Variants in PDLIM5 observed in about 807,000 individuals in gnomAD.
The protein encoded by PDLIM5 is PDZ and LIM domain 5, also known as PDZ and LIM domain protein 5.
PDLIM5 carries 34 observed loss-of-function variants against 64.2 expected under a neutral mutation model. The observed-to-expected ratio is 0.53, with a 90% CI of 0.40 to 0.71. The LOEUF (loss-of-function observed/expected upper bound fraction) is 0.71, where lower values mean the gene tolerates loss of function less well. Ranked by LOEUF, PDLIM5 falls within the 30% of genes least tolerant of loss-of-function variation. The probability of loss-of-function intolerance (pLI) is 0.00; values close to 1 mark genes in which losing one functional copy is unlikely to be tolerated. For missense variants in PDLIM5, 683 were observed against 733.6 expected (o/e 0.93, Z 0.80); for synonymous variants, 253 against 269.1 (o/e 0.94, Z 0.59).
Position 94,583,188 on chromosome 4 carries a change from C to T in PDLIM5, c.711-2377C>T, listed in dbSNP as rs75458617. Among the ~76,000 whole-genome samples, 1,818 of 152,010 alleles carry T rather than the reference C, an allele frequency of 0.012. 90 individuals are homozygous for T. The East Asian group carries it at 0.15, about 12-fold the overall frequency. On this transcript the variant is annotated intron_variant, in intron 5 of 12. Transcript: ENST00000317968. The stretch of plus-strand genomic sequence containing the variant: ...GTCATCACACTCTGGAGTTTCAGAA[C>T]CAGAAAACACTAAATGTTTAGAAAC...
intron 5 of PDLIM5, among the ~76,000 whole-genome samples, chr4:94,580,038 A>G (rs1305386827): frequency 4.6e-5 from 7 of 152,138 alleles, no homozygotes; most frequent in African/African-American, 1.7e-4. Flanking sequence ...TAGAAAGTCC[A>G]CACATCTTTG....
chr4:94,542,138 T>G lies in PDLIM5; in HGVS notation c.248+18263T>G, dbSNP rs190612603. Among the ~76,000 whole-genome samples, 677 of 151,916 alleles carry G rather than the reference T, an allele frequency of 4.5e-3. 2 individuals carry two copies. Among genetic ancestry groups the G allele is most frequent in the Non-Finnish European group, 7.2e-3 (488 of 67,914 alleles). On this transcript the variant is annotated intron_variant, in intron 3 of 12. Coordinates refer to ENST00000317968, the MANE Select transcript of PDLIM5 (RefSeq NM_006457.5). Reference sequence around the variant, plus strand: ...ACCAGCTTGGCCAACATGGTGAAACTCCGTCTCTACTAAAAATACAAAAAT... The same window carrying G: ...ACCAGCTTGGCCAACATGGTGAAACGCCGTCTCTACTAAAAATACAAAAAT...
intron 2 of PDLIM5, chr4:94,456,476 G>A (rs999660331): frequency 5.7e-6 from 4 of 701,738 alleles, no homozygotes; most frequent in Admixed American, 2.0e-5. Context: ...AAGATTACAG[G>A]CGTGAGCCAC....
intron 3 of PDLIM5, among the ~76,000 whole-genome samples, chr4:94,541,936 A>G (rs531990317): frequency 2.0e-5 from 3 of 152,324 alleles, no homozygotes; most frequent in East Asian, 1.9e-4. Flanking sequence ...AGAGCCTGCT[A>G]TTCTCTCCGG....
In PDLIM5 at chr4:94,476,783, G is replaced by A. The variant is rs570674025; in HGVS notation, c.96+21399G>A. Among the ~76,000 whole-genome samples the A allele has an allele frequency of 8.5e-5, 13 of 152,276 alleles. No homozygotes were observed. In the East Asian group the frequency reaches 2.5e-3, roughly 29 times the overall value. On this transcript the variant is annotated intron_variant, in intron 2 of 12. Transcript: ENST00000317968. ...TGGACTCTGGAGCCAGCCATCGTGG[G>A]TTCAAATCGCAGTAGGGACACTTTC...
At chr4:94,588,252 G>A in intron 7 of PDLIM5, 2 of 881,842 alleles carry the variant, frequency 2.3e-6, no homozygotes, top group Non-Finnish European at 2.7e-6. Flanking sequence ...ACTTTGTGAG[G>A]TTACTAAAAT....
intron 8 of PDLIM5, among the ~76,000 whole-genome samples, chr4:94,638,014 C>T (rs190734435): frequency 6.5e-4 from 99 of 152,240 alleles, no homozygotes; most frequent in African/African-American, 2.0e-3. Flanking sequence ...CACAGGAGGC[C>T]GAGTTCTGTG....
chr4:94,560,616 A>G (rs1733751618), intron 3 of PDLIM5, among the ~76,000 whole-genome samples: 1 of 152,218 alleles, frequency 6.6e-6, no homozygotes, highest in African/African-American at 2.4e-5. Flanking sequence ...CAACTAGTAA[A>G]TGGAGGTGCT....
rs1337326356 is a variant in PDLIM5, at chr4:94,665,858, A to G, written c.*1791A>G. 2.9e-6 allele frequency: 4 copies of G among 1,391,368 alleles called. No homozygotes were observed. The highest frequency in any genetic ancestry group is 2.7e-5 in the East Asian group (1 of 37,460). 86.2% of individuals were successfully genotyped at this position (1,391,368 alleles called of 1,614,324 possible). ...TGGGTAGTGTTGGGAGGGGAGTTTA[A>G]TTACTCAGATTGGCCTGTTATTTGA... On this transcript the variant is annotated 3_prime_UTR_variant, in exon 13 of 13. Transcript: ENST00000317968.
chr4:94,531,984 G>A (rs1730915806), intron 3 of PDLIM5, among the ~76,000 whole-genome samples: 1 of 151,842 alleles, frequency 6.6e-6, no homozygotes, highest in Non-Finnish European at 1.5e-5. Context: ...AGAAACATTC[G>A]TTTGGATACT....
chr4:94,564,171 C>T (rs1358406581), intron 3 of PDLIM5, among the ~76,000 whole-genome samples: 3 of 152,050 alleles, frequency 2.0e-5, no homozygotes, highest in Non-Finnish European at 4.4e-5. Flanking sequence ...ACCATGTTGG[C>T]CAGGGTGGTC....
intron 12 of PDLIM5, 43 bp downstream of exon 12, chr4:94,662,580 C>G (rs1032671448): frequency 1.2e-6 from 1 of 812,472 alleles, no homozygotes; most frequent in Non-Finnish European, 2.1e-6. Flanking sequence ...TATAGTATGG[C>G]CAATTCTAGC....
At chr4:94,596,922 A>G (rs1399763801) in intron 7 of PDLIM5, among the ~76,000 whole-genome samples, 25 of 151,964 alleles carry the variant, frequency 1.6e-4, no homozygotes, top group African/African-American at 4.8e-5. Flanking sequence ...CTATTTTTGT[A>G]TCTATTAAAG....
At chr4:94,471,547 T>G (rs978092051) in intron 2 of PDLIM5, among the ~76,000 whole-genome samples, 7 of 152,312 alleles carry the variant, frequency 4.6e-5, no homozygotes, top group Admixed American at 3.9e-4. Context: ...ACATAATACT[T>G]TAGAATTACA....
At chr4:94,480,230 G>A (rs1165805230) in intron 2 of PDLIM5, among the ~76,000 whole-genome samples, 2 of 152,158 alleles carry the variant, frequency 1.3e-5, no homozygotes, top group Admixed American at 1.3e-4. Flanking sequence ...TTTCTAAAAA[G>A]TAAGATATGG....
At chr4:94,603,887 A>G (rs923352771) in intron 7 of PDLIM5, among the ~76,000 whole-genome samples, 5 of 152,174 alleles carry the variant, frequency 3.3e-5, no homozygotes, top group African/African-American at 1.2e-4. Context: ...CCACTGATAG[A>G]TTAAAAATAT....
chr4:94,454,682 T>C (rs1460381085), intron 1 of PDLIM5, among the ~76,000 whole-genome samples: 1 of 152,188 alleles, frequency 6.6e-6, no homozygotes, highest in East Asian at 1.9e-4. Context: ...GAAATACAAG[T>C]TGTAGTTCAT....
At chr4:94,478,787 A>G (rs1028402202) in intron 2 of PDLIM5, among the ~76,000 whole-genome samples, 2 of 151,734 alleles carry the variant, frequency 1.3e-5, no homozygotes, top group African/African-American at 4.8e-5. Context: ...GCTGAAATAT[A>G]TAGAATCAGT....
At chr4:94,647,798 A>T (rs563563695) in intron 9 of PDLIM5, among the ~76,000 whole-genome samples, 2 of 152,302 alleles carry the variant, frequency 1.3e-5, no homozygotes, top group South Asian at 2.1e-4. Flanking sequence ...AAGGACTGAG[A>T]TCATACAAAG....
Sources: allele counts gnomAD v4.1 joint callset (sites outside exome capture counted in the v4.1 genomes callset), GRCh38; gene constraint gnomAD v4.1.1; transcripts MANE v1.5; gene names NCBI Gene and HGNC (gene_info 2026-07-23, HGNC 2026-07-21).